Variants in DLGAP2 observed in about 807,000 individuals in gnomAD.
The protein encoded by DLGAP2 is DLG associated protein 2.
In DLGAP2, 26 loss-of-function variants were observed where a neutral mutation model predicts 100.3. The ratio of observed to expected loss-of-function variants is 0.26; its 90% CI spans 0.19 to 0.36. The LOEUF (loss-of-function observed/expected upper bound fraction) is 0.36, where lower values mean the gene tolerates loss of function less well. Among genes scored for constraint, DLGAP2 ranks in the 10% least tolerant of loss-of-function variants. The probability of loss-of-function intolerance (pLI) is 1.00; values close to 1 mark genes in which losing one functional copy is unlikely to be tolerated. For synonymous variants in DLGAP2, 886 were observed against 630.1 expected (o/e 1.41, Z -6.08); for missense variants, 1,858 against 1,453.2 (o/e 1.28, Z -4.53).
chr8:867,033 C>T (rs1287914288), intron 1 of DLGAP2, among the ~76,000 whole-genome samples: 2 of 152,202 alleles, frequency 1.3e-5, no homozygotes, highest in African/African-American at 4.8e-5. Flanking sequence ...GTCAGACATC[C>T]AGGTTTCCGC....
intron 3 of DLGAP2, among the ~76,000 whole-genome samples, chr8:1,439,006 C>G (rs548620105): frequency 6.6e-6 from 1 of 152,154 alleles, no homozygotes; most frequent in Non-Finnish European, 1.5e-5. Flanking sequence ...AGAAACAAAG[C>G]TTATGTTTTA....
At chr8:1,688,847 C>T (rs1585066025) in intron 12 of DLGAP2, among the ~76,000 whole-genome samples, 2 of 152,206 alleles carry the variant, frequency 1.3e-5, no homozygotes, top group African/African-American at 2.4e-5. Context: ...TTCTGGGTCA[C>T]GGCGTGCCAT....
At chr8:1,324,426 A>T (rs1288524731) in intron 3 of DLGAP2, among the ~76,000 whole-genome samples, 1 of 152,170 alleles carries the variant, frequency 6.6e-6, no homozygotes, top group African/African-American at 2.4e-5. Context: ...AATGCACATG[A>T]TTTCGTCTGC....
chr8:1,583,032 A>T (rs761889014), intron 6 of DLGAP2, among the ~76,000 whole-genome samples: 10 of 152,200 alleles, frequency 6.6e-5, no homozygotes, highest in Middle Eastern at 3.2e-3. Context: ...TCAGCATCTG[A>T]ACCAGAGCTG....
intron 2 of DLGAP2, among the ~76,000 whole-genome samples, chr8:955,141 C>T (rs1022330465): frequency 6.6e-6 from 1 of 152,054 alleles, no homozygotes; most frequent in Non-Finnish European, 1.5e-5. Context: ...GGCGTCATCA[C>T]CTGGCAGGTC....
At chr8:795,939 C>T (rs77853633) in intron 1 of DLGAP2, among the ~76,000 whole-genome samples, 34 of 5,470 alleles carry the variant, frequency 6.2e-3, no homozygotes, top group Admixed American at 0.019. Flanking sequence ...TGAGAGCAGG[C>T]GTCCAGTGAG....
chr8:1,523,819 C>G (rs1360127261), intron 4 of DLGAP2, among the ~76,000 whole-genome samples: 1 of 152,220 alleles, frequency 6.6e-6, no homozygotes, highest in African/African-American at 2.4e-5. Flanking sequence ...TCCTGCACGT[C>G]ACAGCATTTA....
intron 3 of DLGAP2, among the ~76,000 whole-genome samples, chr8:1,266,317 A>G (rs1799450131): frequency 1.3e-5 from 2 of 152,358 alleles, no homozygotes; most frequent in African/African-American, 4.8e-5. Flanking sequence ...AAATATTTGC[A>G]GGACGCTTCT....
In DLGAP2 at chr8:1,604,239, G is replaced by A. The variant is rs114680103; in HGVS notation, c.1443-22501G>A. Among the ~76,000 whole-genome samples, 432 of 152,294 alleles carry A rather than the reference G, an allele frequency of 2.8e-3. 4 individuals carry two copies. The highest frequency in any genetic ancestry group is 9.8e-3 in the African/African-American group (406 of 41,566). ...AAGGGACCTTGCTATAAATGCACTG[G>A]AGTTTGCTGAAAATGTAAATACGAA... is the stretch of plus-strand genomic sequence containing the variant. On this transcript the variant is annotated intron_variant, in intron 6 of 14. Coordinates refer to ENST00000637795, the MANE Select transcript of DLGAP2 (RefSeq NM_001346810.2).
At chr8:1,527,658 G>C (rs1800838706) in intron 4 of DLGAP2, among the ~76,000 whole-genome samples, 1 of 152,168 alleles carries the variant, frequency 6.6e-6, no homozygotes, top group Non-Finnish European at 1.5e-5. Context: ...TGTGGGAACG[G>C]AACGGAAATA....
chr8:1,508,918 T>C (rs1234977723), intron 4 of DLGAP2, among the ~76,000 whole-genome samples: 1 of 152,090 alleles, frequency 6.6e-6, no homozygotes, highest in Admixed American at 6.5e-5. Flanking sequence ...TGGTTTTCTG[T>C]TCTGCAGTTC....
chr8:1,435,670 C>A (rs1442895630), intron 3 of DLGAP2, among the ~76,000 whole-genome samples: 1 of 151,682 alleles, frequency 6.6e-6, no homozygotes. Flanking sequence ...CTGTAAAGAG[C>A]CCTGGGCCAG....
intron 3 of DLGAP2, among the ~76,000 whole-genome samples, chr8:1,281,633 T>C (rs1267817824): frequency 2.0e-5 from 3 of 152,044 alleles, no homozygotes; most frequent in Non-Finnish European, 4.4e-5. Context: ...ATTAATAAAA[T>C]CCATACACAA....
At chr8:1,432,661 T>C (rs1307597845) in intron 3 of DLGAP2, among the ~76,000 whole-genome samples, 1 of 152,264 alleles carries the variant, frequency 6.6e-6, no homozygotes, top group Non-Finnish European at 1.5e-5. Context: ...TTGAAGGCAC[T>C]GGCCCTGAGC....
chr8:1,336,429 G>A (rs1055893182), intron 3 of DLGAP2, among the ~76,000 whole-genome samples: 10 of 152,116 alleles, frequency 6.6e-5, no homozygotes, highest in Non-Finnish European at 1.5e-4. Context: ...GTCAAGAACC[G>A]GCCGGTAGAA....
In DLGAP2 at chr8:1,705,813, C is replaced by G. The variant is rs1220439570; in HGVS notation, c.*4407C>G. On this transcript the variant is annotated 3_prime_UTR_variant, in exon 15 of 15. Coordinates refer to ENST00000637795, the MANE Select transcript of DLGAP2 (RefSeq NM_001346810.2). ...TGTTCCAGGGTTCTCTTGTTTTGAT[C>G]TGCATGTCTGTTTACACTTCTCTGT... The G allele has an allele frequency of 6.6e-6, 1 of 152,142 alleles. No homozygotes were observed. Among genetic ancestry groups the G allele is most frequent in the Non-Finnish European group, 1.5e-5 (1 of 68,036 alleles). 9.4% of individuals were successfully genotyped at this position (152,142 alleles called of 1,614,324 possible).
intron 1 of DLGAP2, among the ~76,000 whole-genome samples, chr8:882,906 G>A (rs1490263423): frequency 1.3e-5 from 2 of 152,384 alleles, no homozygotes; most frequent in East Asian, 3.9e-4. Flanking sequence ...TGTTGGGTCG[G>A]ATCTCTGCAT....
chr8:1,545,253 T>C (rs1429371570), intron 4 of DLGAP2, among the ~76,000 whole-genome samples: 1 of 152,206 alleles, frequency 6.6e-6, no homozygotes, highest in Non-Finnish European at 1.5e-5. Context: ...TGACACCATC[T>C]GGTCCTGAAC....
At chr8:1,435,518 G>C (rs577899303) in intron 3 of DLGAP2, among the ~76,000 whole-genome samples, 7 of 152,164 alleles carry the variant, frequency 4.6e-5, no homozygotes, top group African/African-American at 1.4e-4. Context: ...GCCACCGTAC[G>C]GAAGTGTAGC....
Sources: gnomAD v4.1 joint callset for allele counts (sites outside exome capture counted in the v4.1 genomes callset) on GRCh38, gnomAD v4.1.1 for gene constraint, MANE v1.5 for transcripts, NCBI Gene and HGNC (gene_info 2026-07-23, HGNC 2026-07-21) for gene names.